NR2E1: variants seen among roughly 807,000 people sequenced by gnomAD.
NR2E1 encodes nuclear receptor TLX.
In NR2E1, 5 loss-of-function variants were observed where a neutral mutation model predicts 43.6. That is an observed-to-expected ratio of 0.11 (90% confidence interval 0.06 to 0.24). NR2E1 has a LOEUF of 0.24. NR2E1 is among the 10% of genes least tolerant of loss of function. The pLI is 1.00. For synonymous variants in NR2E1, 191 were observed against 195.5 expected (o/e 0.98, Z 0.19); for missense variants, 287 against 496.7 (o/e 0.58, Z 4.01).
chr6:108,185,379 A>AACAC (rs373783447), intron 8 of NR2E1, among the ~76,000 whole-genome samples: 2 of 134,642 alleles, frequency 1.5e-5, no homozygotes, highest in African/African-American at 5.9e-5. Context: ...TTCTCTCTCT[A>AACAC]ACACACACAC....
At chr6:108,185,409 T>TACACATACAC (rs956133346) in intron 8 of NR2E1, among the ~76,000 whole-genome samples, 1 of 146,794 alleles carries the variant, frequency 6.8e-6, no homozygotes, top group African/African-American at 2.5e-5. Flanking sequence ...CACACACACA[T>TACACATACAC]ACACACACAC....
chr6:108,170,558 G>A (rs1314048956), intron 1 of NR2E1, among the ~76,000 whole-genome samples: 1 of 151,692 alleles, frequency 6.6e-6, no homozygotes, highest in Non-Finnish European at 1.5e-5. Context: ...GGGGTCCATG[G>A]GGGGTGGGGG....
chr6:108,184,553 G>A (rs1774043873), intron 8 of NR2E1, among the ~76,000 whole-genome samples: 1 of 152,158 alleles, frequency 6.6e-6, no homozygotes, highest in Non-Finnish European at 1.5e-5. Context: ...AAAGTCTGAT[G>A]GGTGGAGGAA....
At chr6:108,170,809 A>T (rs1773800168) in intron 1 of NR2E1, among the ~76,000 whole-genome samples, 1 of 152,018 alleles carries the variant, frequency 6.6e-6, no homozygotes, top group Admixed American at 6.5e-5. Context: ...GGAGAAAATA[A>T]TTTTTTCCTA....
At chr6:108,176,023 T>G in intron 3 of NR2E1, 1 of 160,220 alleles carries the variant, frequency 6.2e-6, no homozygotes, top group Non-Finnish European at 1.4e-5. Flanking sequence ...CCAAAAGCTA[T>G]TTCTGTGGGG....
intron 2 of NR2E1, among the ~76,000 whole-genome samples, chr6:108,172,221 CACCCATGTG>C (rs1156359000): frequency 6.6e-6 from 1 of 152,236 alleles, no homozygotes; most frequent in Non-Finnish European, 1.5e-5. Context: ...GGGAATCCAG[CACCCATGTG>C]ACCTTAGCTA....
intron 8 of NR2E1, 54 bp from the exon 9 acceptor site, chr6:108,187,247 A>T (rs1487709705): frequency 8.8e-6 from 14 of 1,588,374 alleles, no homozygotes; most frequent in Non-Finnish European, 1.1e-5. Flanking sequence ...GTAAGACGTT[A>T]GTTTCCATAA....
chr6:108,186,930 T>C (rs1373806090), intron 8 of NR2E1, among the ~76,000 whole-genome samples: 1 of 152,238 alleles, frequency 6.6e-6, no homozygotes, highest in Non-Finnish European at 1.5e-5. Context: ...AAACATGGGT[T>C]CTGTTGCTAG....
chr6:108,176,239 T>G (rs1308363204), intron 3 of NR2E1: 40 of 568,370 alleles, frequency 7.0e-5, no homozygotes, highest in Non-Finnish European at 1.2e-4. Flanking sequence ...ACACACCTGG[T>G]CTTACTTGAG....
At chr6:108,173,715 G>A (rs145717238) in intron 2 of NR2E1, among the ~76,000 whole-genome samples, 32 of 152,280 alleles carry the variant, frequency 2.1e-4, no homozygotes, top group African/African-American at 7.2e-4. Context: ...TCTAACAGTA[G>A]CAACTTCTAT....
chr6:108,176,316 C>G, intron 3 of NR2E1, 187 bp from the exon 4 acceptor site: 1 of 610,604 alleles, frequency 1.6e-6, no homozygotes, highest in East Asian at 2.8e-5. Flanking sequence ...CGAATCTATT[C>G]AGTGTAGTGG....
chr6:108,174,057 A>G (rs889719405), intron 2 of NR2E1, among the ~76,000 whole-genome samples: 1 of 152,174 alleles, frequency 6.6e-6, no homozygotes, highest in Admixed American at 6.5e-5. Context: ...TCCTGTTTAC[A>G]TGGTGAGCAT....
intron 3 of NR2E1, chr6:108,176,163 C>T (rs1479983575): frequency 2.8e-6 from 1 of 353,300 alleles, no homozygotes; most frequent in Non-Finnish European, 5.2e-6. Context: ...TACTCCAGCC[C>T]AGAGGGTCTC....
At chr6:108,183,551 T>G (rs950195088) in intron 8 of NR2E1, among the ~76,000 whole-genome samples, 3 of 151,990 alleles carry the variant, frequency 2.0e-5, no homozygotes, top group Non-Finnish European at 4.4e-5. Context: ...ATAGACACTG[T>G]GGGGGGAATA....
intron 5 of NR2E1, among the ~76,000 whole-genome samples, chr6:108,179,545 T>C (rs1320598731): frequency 1.4e-5 from 2 of 142,068 alleles, no homozygotes; most frequent in African/African-American, 5.3e-5. Flanking sequence ...GACTGGCTAT[T>C]TTTTTTCAAA....
intron 5 of NR2E1, among the ~76,000 whole-genome samples, chr6:108,179,760 T>G (rs1773955113): frequency 6.6e-6 from 1 of 151,944 alleles, no homozygotes; most frequent in Non-Finnish European, 1.5e-5. Context: ...TGCTGTCCAT[T>G]TATGGGTCTC....
chr6:108,174,827 C>T lies in NR2E1; in HGVS notation c.172-9C>T. The T allele has an allele frequency of 6.2e-7, 1 of 1,613,582 alleles. No homozygotes were observed. Among genetic ancestry groups the T allele is most frequent in the Non-Finnish European group, 8.5e-7 (1 of 1,179,642 alleles). The stretch of plus-strand genomic sequence containing the variant: ...CTGGGGACCGCTGACCTCCTGCTCT[C>T]TGTTCCAGGGAGGCTGTCCGGTGGA... On this transcript the variant is annotated splice_polypyrimidine_tract_variant and intron_variant, in intron 2 of 8. Coordinates refer to ENST00000368986, the MANE Select transcript of NR2E1 (RefSeq NM_003269.5).
At chr6:108,175,551 C>T (rs1773882049) in intron 3 of NR2E1, among the ~76,000 whole-genome samples, 1 of 152,234 alleles carries the variant, frequency 6.6e-6, no homozygotes, top group South Asian at 2.1e-4. Context: ...TCCCAAGGCT[C>T]TTAAGCGCGC....
In NR2E1 at chr6:108,169,880, G is replaced by T. The variant is rs1048477745; in HGVS notation, c.26-1578G>T. ...ATGCTACTCTTTTTGACGGGTCACT[G>T]GTGGCTCTATAGGCAGGTGCTGCCG... On this transcript the variant is annotated intron_variant, in intron 1 of 8. Coordinates refer to ENST00000368986, the MANE Select transcript of NR2E1 (RefSeq NM_003269.5). The surrounding 1 kb of genome is among the most constrained non-coding windows in gnomAD (Gnocchi z 6.1). 2.0e-5 allele frequency among the ~76,000 whole-genome samples: 3 copies of T among 152,060 alleles called. No homozygotes were observed. Among genetic ancestry groups the T allele is most frequent in the African/African-American group, 7.2e-5 (3 of 41,386 alleles).
Sources: gnomAD v4.1 joint callset for allele counts (sites outside exome capture counted in the v4.1 genomes callset) on GRCh38, gnomAD v4.1.1 for gene constraint, Gnocchi (gnomAD v3.1) non-coding constraint, MANE v1.5 for transcripts, NCBI Gene and HGNC (gene_info 2026-07-23, HGNC 2026-07-21) for gene names.